The following MACROD2 variants were observed in gnomAD, a reference collection of about 807,000 sequenced individuals.
The protein encoded by MACROD2 is ADP-ribose glycohydrolase MACROD2.
A neutral mutation model predicts 70.4 loss-of-function variants in MACROD2; 36 were observed. The ratio of observed to expected loss-of-function variants is 0.51; its 90% confidence interval spans 0.39 to 0.68. MACROD2 has a LOEUF of 0.68. Among genes scored for constraint, MACROD2 ranks in the 30% least tolerant of loss-of-function variants. The probability of loss-of-function intolerance (pLI) is 0.00; values close to 1 mark genes in which losing one functional copy is unlikely to be tolerated. For synonymous variants in MACROD2, 172 were observed against 178.8 expected, an observed-to-expected ratio of 0.96 and a Z score of 0.30; for missense variants, 496 against 538.4, an observed-to-expected ratio of 0.92 and a Z score of 0.78.
At chr20:15,646,925 C>T (rs1173970982) in intron 8 of MACROD2, among the ~76,000 whole-genome samples, 2 of 152,214 alleles carry the variant, frequency 1.3e-5, no homozygotes, top group East Asian at 3.9e-4. Flanking sequence ...CTAATACACA[C>T]AGCACAGACA....
At chr20:14,712,084 G>A (rs565962828) in intron 5 of MACROD2, among the ~76,000 whole-genome samples, 4 of 152,076 alleles carry the variant, frequency 2.6e-5, no homozygotes, top group Admixed American at 6.6e-5. Flanking sequence ...ATCTTTTCAA[G>A]ATTGGGTCAA....
chr20:15,347,421 G>T (rs912078453), intron 6 of MACROD2, among the ~76,000 whole-genome samples: 7 of 152,152 alleles, frequency 4.6e-5, no homozygotes, highest in African/African-American at 1.7e-4. Context: ...AGGTGTGAGG[G>T]TGAGTGTCAG....
At chr20:15,925,704 C>A (rs2065478482) in intron 10 of MACROD2, among the ~76,000 whole-genome samples, 1 of 152,168 alleles carries the variant, frequency 6.6e-6, no homozygotes, top group Non-Finnish European at 1.5e-5. Context: ...CCCAGTGGCA[C>A]CTACAGTTTC....
intron 5 of MACROD2, among the ~76,000 whole-genome samples, chr20:14,881,231 G>T (rs1311553139): frequency 6.6e-6 from 1 of 150,952 alleles, no homozygotes; most frequent in Non-Finnish European, 1.5e-5. Flanking sequence ...AGGTTTTGGA[G>T]CCAGTCAGCC....
At chr20:14,242,077 G>A (rs2081934338) in intron 3 of MACROD2, among the ~76,000 whole-genome samples, 1 of 152,082 alleles carries the variant, frequency 6.6e-6, no homozygotes, top group African/African-American at 2.4e-5. Context: ...AAAATTGTAT[G>A]CTGAATGTTG....
At chr20:14,660,989 G>T (rs1203651961) in intron 4 of MACROD2, among the ~76,000 whole-genome samples, 2 of 151,940 alleles carry the variant, frequency 1.3e-5, no homozygotes, top group Non-Finnish European at 2.9e-5. Context: ...CTTTGCTATT[G>T]TGAATAGTGC....
rs141676913 is a variant in MACROD2, at chr20:15,524,399, C to T, written c.645+24552C>T. On this transcript the variant is annotated intron_variant, in intron 8 of 17. Transcript: ENST00000684519. Reference sequence around the variant, plus strand: ...TGCCAGGAAGGATTAGCCAGGGTTGCCTCATAGTTTAATTTTTCTGGAGAA... The same window carrying T: ...TGCCAGGAAGGATTAGCCAGGGTTGTCTCATAGTTTAATTTTTCTGGAGAA... 2.1e-3 allele frequency among the ~76,000 whole-genome samples: 323 copies of T among 152,056 alleles called. 2 individuals are homozygous for T. The highest frequency in any genetic ancestry group is 7.5e-3 in the African/African-American group (310 of 41,472).
rs56799693 is a variant in MACROD2 at position 14,454,418 on chromosome 20, G to GTT, written c.272-39051_272-39050dup. ...ATGTATGATCCTTTATTCCACATGAGTTTTTTTTTTTGTTTGTTTTCCCAG... is the reference window on the plus strand; with the variant it reads ...ATGTATGATCCTTTATTCCACATGAGTTTTTTTTTTTTTGTTTGTTTTCCCAG... On this transcript the variant is annotated intron_variant, in intron 3 of 17. Coordinates refer to ENST00000684519, the MANE Select transcript of MACROD2 (RefSeq NM_001351661.2). 6.9e-3 allele frequency among the ~76,000 whole-genome samples: 1,007 copies of GTT among 145,766 alleles called. 25 individuals are homozygous for GTT. Among genetic ancestry groups the GTT allele is most frequent in the African/African-American group, 0.023 (914 of 39,690 alleles).
chr20:14,647,562 C>A (rs1396402905), intron 4 of MACROD2, among the ~76,000 whole-genome samples: 1 of 151,890 alleles, frequency 6.6e-6, no homozygotes, highest in Non-Finnish European at 1.5e-5. Flanking sequence ...TTTTTCAGGT[C>A]AAGAATGTAG....
intron 5 of MACROD2, among the ~76,000 whole-genome samples, chr20:15,072,746 T>C (rs2075628299): frequency 6.6e-6 from 1 of 152,300 alleles, no homozygotes; most frequent in East Asian, 1.9e-4. Context: ...TATTAAACAT[T>C]TATGTTCTAA....
rs976728528 is a variant in MACROD2, at chr20:16,052,635, G to T, written c.*2759G>T. On this transcript the variant is annotated 3_prime_UTR_variant, in exon 18 of 18. Transcript: ENST00000684519. ...ATAAAAGATTACAAAGAAGGCATCC[G>T]AATCACTGTCTGTGATACTGGGTCA... 1 of 152,606 alleles carries T rather than the reference G, an allele frequency of 6.6e-6. No homozygotes were observed. The highest frequency in any genetic ancestry group is 2.4e-5 in the African/African-American group (1 of 41,442). 9.5% of individuals were successfully genotyped at this position (152,606 alleles called of 1,614,324 possible). A position where few individuals can be genotyped will look rare whatever the true frequency, so the allele number is the denominator to read the frequency against.
At chr20:15,908,855 A>G (rs1339826495) in intron 10 of MACROD2, among the ~76,000 whole-genome samples, 1 of 152,184 alleles carries the variant, frequency 6.6e-6, no homozygotes, top group East Asian at 1.9e-4. Flanking sequence ...TAGCTTTCCA[A>G]ACACCCAAGT....
chr20:14,913,305 T>G (rs944817171), intron 5 of MACROD2, among the ~76,000 whole-genome samples: 1 of 152,222 alleles, frequency 6.6e-6, no homozygotes, highest in Non-Finnish European at 1.5e-5. Context: ...GATATGATAA[T>G]GTTAAAACAA....
chr20:15,191,717 GAGAA>G (rs1264160541), intron 5 of MACROD2, among the ~76,000 whole-genome samples: 3 of 152,060 alleles, frequency 2.0e-5, no homozygotes, highest in Non-Finnish European at 4.4e-5. Context: ...TATGAAAACA[GAGAA>G]AGAAAAAAAT....
At chr20:15,227,208 G>T (rs1334509474) in intron 5 of MACROD2, among the ~76,000 whole-genome samples, 6 of 152,142 alleles carry the variant, frequency 3.9e-5, no homozygotes, top group Non-Finnish European at 5.9e-5. Context: ...GAGAACTAAA[G>T]AAATGCAAGG....
intron 3 of MACROD2, among the ~76,000 whole-genome samples, chr20:14,355,351 G>A (rs1025921177): frequency 6.6e-6 from 1 of 152,158 alleles, no homozygotes; most frequent in Non-Finnish European, 1.5e-5. Flanking sequence ...GGAGTGTAAA[G>A]TGATAACTTT....
rs527912533 is a variant in MACROD2 at position 14,738,144 on chromosome 20, T to G, written c.418+53185T>G. ...AAATTTGAGAATGAAAATGGTTGGT[T>G]TTTGGAATTTTAGGAGAGTATTTTA... On this transcript the variant is annotated intron_variant, in intron 5 of 17. Coordinates refer to ENST00000684519, the MANE Select transcript of MACROD2 (RefSeq NM_001351661.2). Among the ~76,000 whole-genome samples the G allele has an allele frequency of 2.5e-4, 38 of 152,198 alleles. No homozygotes were observed. In the South Asian group the frequency reaches 6.2e-3, roughly 25 times the overall value.
At chr20:14,612,551 C>T (rs1983233096) in intron 4 of MACROD2, among the ~76,000 whole-genome samples, 1 of 152,026 alleles carries the variant, frequency 6.6e-6, no homozygotes, top group African/African-American at 2.4e-5. Context: ...TACACATATG[C>T]ATGCAGTATA....
At chr20:14,065,580 T>C (rs1313716082) in intron 2 of MACROD2, among the ~76,000 whole-genome samples, 1 of 152,236 alleles carries the variant, frequency 6.6e-6, no homozygotes, top group Non-Finnish European at 1.5e-5. Context: ...TTGACGTTTA[T>C]TGTGCTTTTA....
Sources: gnomAD v4.1 joint callset for allele counts (sites outside exome capture counted in the v4.1 genomes callset) on GRCh38, gnomAD v4.1.1 for gene constraint, MANE v1.5 for transcripts, NCBI Gene and HGNC (gene_info 2026-07-23, HGNC 2026-07-21) for gene names.